AGBL4: variants seen among roughly 807,000 people sequenced by gnomAD.
AGBL4 encodes the protein cytosolic carboxypeptidase 6.
AGBL4 carries 58 observed loss-of-function variants against 66.4 expected under a neutral mutation model. The observed-to-expected ratio is 0.87, with a 90% CI of 0.71 to 1.09. AGBL4 has a LOEUF of 1.09. Among genes scored for constraint, AGBL4 ranks in the 50% least tolerant of loss-of-function variants. The probability of loss-of-function intolerance (pLI) is 0.00; values close to 1 mark genes in which losing one functional copy is unlikely to be tolerated. For missense variants in AGBL4, 579 were observed against 631.0 expected, an observed-to-expected ratio of 0.92 and a Z score of 0.88; for synonymous variants, 234 against 222.9, an observed-to-expected ratio of 1.05 and a Z score of -0.44.
chr1:49,797,832 G>A lies in AGBL4; in HGVS notation c.157+53564C>T, dbSNP rs140271013. 7.3e-5 allele frequency among the ~76,000 whole-genome samples: 11 copies of A among 151,400 alleles called. No homozygotes were observed. In the East Asian group the frequency reaches 1.2e-3, roughly 16 times the overall value. ...GTTGCCCAGACTGGAGTGCAATGGC[G>A]CGGTCACTGTAACTTCCGCCTCCCG... On this transcript the variant is annotated intron_variant, in intron 2 of 13. Transcript: ENST00000371839.
chr1:49,982,434 C>A (rs867722298), intron 1 of AGBL4, among the ~76,000 whole-genome samples: 2 of 152,232 alleles, frequency 1.3e-5, no homozygotes, highest in African/African-American at 4.8e-5. Context: ...TGGGTGCCAA[C>A]AAACACAGAA....
chr1:49,681,305 A>C (rs771873813), intron 3 of AGBL4, among the ~76,000 whole-genome samples: 65 of 152,286 alleles, frequency 4.3e-4, no homozygotes, highest in Non-Finnish European at 5.1e-4. Flanking sequence ...ATATTATCTT[A>C]TGAAATCCTG....
At chr1:49,819,898 G>C (rs1246176633) in intron 2 of AGBL4, among the ~76,000 whole-genome samples, 1 of 152,170 alleles carries the variant, frequency 6.6e-6, no homozygotes, top group East Asian at 1.9e-4. Context: ...TTGGGAAAGA[G>C]AAGTCAAAGA....
chr1:49,542,465 G>T (rs528952257), intron 3 of AGBL4, among the ~76,000 whole-genome samples: 19 of 152,192 alleles, frequency 1.2e-4, no homozygotes, highest in Admixed American at 1.1e-3. Flanking sequence ...CGGACATGCC[G>T]CCTTTAAGGA....
intron 5 of AGBL4, among the ~76,000 whole-genome samples, chr1:48,913,523 G>A (rs569009705): frequency 3.9e-4 from 60 of 152,214 alleles, no homozygotes; most frequent in African/African-American, 1.3e-3. Context: ...ATTCTCATAG[G>A]AGCGTGAACC....
Position 49,270,630 on chromosome 1 carries a change from T to G in AGBL4, c.283-24766A>C, listed in dbSNP as rs966408243. On this transcript the variant is annotated intron_variant, in intron 3 of 13. Transcript: ENST00000371839. ...TGCCTACTCCTGGGAGTAAAATTTT[T>G]TGTGGGGTGGGGGATCTTTAGGATT... is the stretch of plus-strand genomic sequence containing the variant. 3.3e-5 allele frequency among the ~76,000 whole-genome samples: 5 copies of G among 152,058 alleles called. No individual in the cohort carries two copies. In the East Asian group the frequency reaches 9.6e-4, roughly 29 times the overall value.
chr1:49,622,628 CAAAAAA>C (rs71059557), intron 3 of AGBL4, among the ~76,000 whole-genome samples: 3 of 65,482 alleles, frequency 4.6e-5, no homozygotes, highest in East Asian at 1.3e-3. Context: ...GACTCCGTCT[CAAAAAA>C]AAAAAAAAAA....
chr1:48,824,557 T>C (rs1256137077), intron 6 of AGBL4, among the ~76,000 whole-genome samples: 1 of 152,100 alleles, frequency 6.6e-6, no homozygotes, highest in African/African-American at 2.4e-5. Context: ...TTATTAGCTC[T>C]AGTGAGGTAT....
At chr1:49,575,915 A>G (rs1417759554) in intron 3 of AGBL4, among the ~76,000 whole-genome samples, 1 of 152,196 alleles carries the variant, frequency 6.6e-6, no homozygotes, top group African/African-American at 2.4e-5. Flanking sequence ...AAGATATCAC[A>G]TGGGTCCATT....
chr1:49,788,949 G>A (rs1644525701), intron 2 of AGBL4, among the ~76,000 whole-genome samples: 1 of 152,160 alleles, frequency 6.6e-6, no homozygotes, highest in African/African-American at 2.4e-5. Flanking sequence ...TCCGGCATTT[G>A]CCCATTCAGT....
rs1040459206 is a variant in AGBL4 at position 49,857,653 on chromosome 1, C to G, written c.35-6135G>C. ...AGGACAGTCTCTTTAATAAATGGTG[C>G]TGTGAAAACTGAATATCCACATGCA... On this transcript the variant is annotated intron_variant, in intron 1 of 13. Transcript: ENST00000371839. 2.0e-5 allele frequency among the ~76,000 whole-genome samples: 3 copies of G among 152,264 alleles called. No homozygotes were observed. The East Asian group carries it at 5.8e-4, about 29-fold the overall frequency.
At chr1:49,121,922 G>A (rs530541981) in intron 4 of AGBL4, among the ~76,000 whole-genome samples, 273 of 152,312 alleles carry the variant, frequency 1.8e-3, no homozygotes, top group Non-Finnish European at 2.8e-3. Flanking sequence ...AATGTCAGAC[G>A]CCCCTCCCCA....
chr1:48,966,493 C>T (rs1230278840), intron 5 of AGBL4, among the ~76,000 whole-genome samples: 1 of 152,056 alleles, frequency 6.6e-6, no homozygotes, highest in Admixed American at 6.5e-5. Context: ...AGAATCCATA[C>T]AAACAGTCAT....
intron 4 of AGBL4, among the ~76,000 whole-genome samples, chr1:49,147,579 G>A (rs1646242736): frequency 6.6e-6 from 1 of 152,164 alleles, no homozygotes; most frequent in Non-Finnish European, 1.5e-5. Flanking sequence ...TACCTCGTAA[G>A]AGGAGAAAAG....
At chr1:48,705,826 T>G (rs1646873364) in intron 6 of AGBL4, among the ~76,000 whole-genome samples, 1 of 151,146 alleles carries the variant, frequency 6.6e-6, no homozygotes, top group African/African-American at 2.4e-5. Flanking sequence ...GGTGTTAAGT[T>G]GATAAAAAGC....
At chr1:49,646,953 T>C (rs989510227) in intron 3 of AGBL4, among the ~76,000 whole-genome samples, 5 of 151,700 alleles carry the variant, frequency 3.3e-5, no homozygotes, top group Admixed American at 2.0e-4. Context: ...TAAAACAGTA[T>C]GGTATCCATA....
At chr1:49,461,823 T>C (rs1646519468) in intron 3 of AGBL4, among the ~76,000 whole-genome samples, 1 of 151,852 alleles carries the variant, frequency 6.6e-6, no homozygotes, top group African/African-American at 2.4e-5. Flanking sequence ...GGCTCCATAG[T>C]ATTCCATTAT....
At chr1:49,493,276 T>C (rs1647252280) in intron 3 of AGBL4, among the ~76,000 whole-genome samples, 1 of 152,004 alleles carries the variant, frequency 6.6e-6, no homozygotes, top group Admixed American at 6.6e-5. Context: ...ATAGTTATTA[T>C]AATACTTAGA....
chr1:49,218,300 G>A (rs540924359), intron 4 of AGBL4, among the ~76,000 whole-genome samples: 1 of 152,060 alleles, frequency 6.6e-6, no homozygotes, highest in African/African-American at 2.4e-5. Context: ...ACCCTGGAAG[G>A]CACCAAGATT....
Sources: allele counts gnomAD v4.1 joint callset (sites outside exome capture counted in the v4.1 genomes callset), GRCh38; gene constraint gnomAD v4.1.1; transcripts MANE v1.5; gene names NCBI Gene and HGNC (gene_info 2026-07-23, HGNC 2026-07-21).